Variants in TAFA5 observed in about 807,000 individuals in gnomAD.
TAFA5 encodes chemokine-like protein TAFA-5.
A neutral mutation model predicts 15.3 loss-of-function variants in TAFA5; 6 were observed. The observed-to-expected ratio is 0.39, with a 90% CI of 0.21 to 0.77. The LOEUF (loss-of-function observed/expected upper bound fraction) is 0.77, where lower values mean the gene tolerates loss of function less well. TAFA5 is among the 30% of genes least tolerant of loss of function. The pLI is 0.41. For missense variants in TAFA5, 161 were observed against 193.1 expected, an observed-to-expected ratio of 0.83 and a Z score of 0.98; for synonymous variants, 103 against 80.7, an observed-to-expected ratio of 1.28 and a Z score of -1.48.
intron 1 of TAFA5, among the ~76,000 whole-genome samples, chr22:48,595,517 G>T (rs1193594051): frequency 6.6e-6 from 1 of 152,246 alleles, no homozygotes; most frequent in African/African-American, 2.4e-5. Context: ...AAGAGCCCAG[G>T]TCTCGTCTCT....
intron 1 of TAFA5, among the ~76,000 whole-genome samples, chr22:48,585,979 G>C (rs566393400): frequency 6.6e-6 from 1 of 152,200 alleles, no homozygotes; most frequent in African/African-American, 2.4e-5. Flanking sequence ...AGCTCACCCC[G>C]TGGGCCCAGC....
intron 2 of TAFA5, among the ~76,000 whole-genome samples, chr22:48,695,893 T>C (rs1928695778): frequency 6.6e-6 from 1 of 152,100 alleles, no homozygotes; most frequent in Non-Finnish European, 1.5e-5. Flanking sequence ...CAGTCCCTAG[T>C]GTAGGGCTTT....
At chr22:48,720,770 T>G (rs1038643265) in intron 3 of TAFA5, among the ~76,000 whole-genome samples, 9 of 152,322 alleles carry the variant, frequency 5.9e-5, no homozygotes, top group Non-Finnish European at 1.3e-4. Flanking sequence ...CAGGGTTCCC[T>G]GTGCTCGAGA....
intron 1 of TAFA5, among the ~76,000 whole-genome samples, chr22:48,501,220 A>G (rs933665015): frequency 2.0e-5 from 3 of 152,182 alleles, no homozygotes; most frequent in African/African-American, 7.2e-5. Context: ...TGTGGCCTGA[A>G]TGCATGGATT....
chr22:48,751,647 AAAG>A lies in TAFA5; in HGVS notation c.*1804_*1806del, dbSNP rs1282778410. 6.6e-6 allele frequency: 1 copy of A among 152,350 alleles called. No individual in the cohort carries two copies. The highest frequency in any genetic ancestry group is 1.5e-5 in the Non-Finnish European group (1 of 68,028). The allele number at this position is 152,350 out of a possible 1,614,324, so 9.4% of individuals were successfully genotyped here. A position where few individuals can be genotyped will look rare whatever the true frequency, so the allele number is the denominator to read the frequency against. ...TTATAGGCATTTGTATCCTGGACTA[AAAG>A]AAGGGGCTGAGGTTGGGTTTGTCAT... is the stretch of plus-strand genomic sequence containing the variant. On this transcript the variant is annotated 3_prime_UTR_variant, in exon 4 of 4. Transcript: ENST00000402357.
At chr22:48,722,405 A>G (rs1039668727) in intron 3 of TAFA5, among the ~76,000 whole-genome samples, 10 of 152,254 alleles carry the variant, frequency 6.6e-5, no homozygotes, top group Non-Finnish European at 1.5e-4. Context: ...TGTCCTTTGC[A>G]GGGACATAGA....
At chr22:48,717,924 G>C (rs1280992748) in intron 3 of TAFA5, among the ~76,000 whole-genome samples, 2 of 152,246 alleles carry the variant, frequency 1.3e-5, no homozygotes, top group Non-Finnish European at 2.9e-5. Context: ...AAGGCCCCAG[G>C]CTGGGCAGGG....
At chr22:48,501,868 T>C (rs542451124) in intron 1 of TAFA5, among the ~76,000 whole-genome samples, 31 of 152,286 alleles carry the variant, frequency 2.0e-4, no homozygotes, top group South Asian at 1.9e-3. Context: ...CTTACTGACG[T>C]CCCCAGAATG....
At chr22:48,678,177 A>G (rs113429659) in intron 2 of TAFA5, among the ~76,000 whole-genome samples, 5,127 of 152,150 alleles carry the variant, frequency 0.034, 267 homozygotes, top group African/African-American at 0.11. Context: ...TCTGGGCCCC[A>G]TGTTCCCTCT....
intron 1 of TAFA5, among the ~76,000 whole-genome samples, chr22:48,568,747 C>G (rs547124162): frequency 4.6e-5 from 7 of 152,212 alleles, no homozygotes; most frequent in African/African-American, 1.2e-4. Flanking sequence ...GTCCTCCCCC[C>G]ACGAAGCCCA....
chr22:48,629,885 C>T (rs903377784), intron 1 of TAFA5, among the ~76,000 whole-genome samples: 6 of 152,198 alleles, frequency 3.9e-5, no homozygotes, highest in African/African-American at 1.4e-4. Flanking sequence ...AGTGTCCTCC[C>T]GGCAGAGGAG....
chr22:48,733,648 G>C (rs1218845212), intron 3 of TAFA5, among the ~76,000 whole-genome samples: 1 of 152,210 alleles, frequency 6.6e-6, no homozygotes, highest in East Asian at 1.9e-4. Context: ...GACCGAGTAT[G>C]AGTATAGAAA....
chr22:48,587,854 C>A (rs757856489), intron 1 of TAFA5, among the ~76,000 whole-genome samples: 2 of 152,270 alleles, frequency 1.3e-5, no homozygotes, highest in African/African-American at 4.8e-5. Context: ...GGAGGACTCA[C>A]GCAGAGGCGG....
intron 2 of TAFA5, among the ~76,000 whole-genome samples, chr22:48,662,285 C>CA (rs1927467592): frequency 2.0e-5 from 3 of 152,058 alleles, no homozygotes; most frequent in African/African-American, 7.2e-5. Flanking sequence ...AGGGGCTCTG[C>CA]AGGCCAGAGG....
At chr22:48,727,933 AAC>A (rs1403203242) in intron 3 of TAFA5, among the ~76,000 whole-genome samples, 1 of 152,204 alleles carries the variant, frequency 6.6e-6, no homozygotes, top group Non-Finnish European at 1.5e-5. Flanking sequence ...AGATTATGTA[AAC>A]ACAATTACAA....
At chr22:48,659,577 T>C (rs760645320) in intron 2 of TAFA5, among the ~76,000 whole-genome samples, 3 of 152,198 alleles carry the variant, frequency 2.0e-5, no homozygotes, top group Non-Finnish European at 2.9e-5. Context: ...GTGGCCAAGC[T>C]GGGGGTGGGG....
chr22:48,727,146 G>C (rs1929739148), intron 3 of TAFA5, among the ~76,000 whole-genome samples: 1 of 152,216 alleles, frequency 6.6e-6, no homozygotes, highest in Non-Finnish European at 1.5e-5. Context: ...TCACATGTAA[G>C]ATGATTAATG....
At chr22:48,540,023 G>T (rs1922307512) in intron 1 of TAFA5, among the ~76,000 whole-genome samples, 1 of 152,120 alleles carries the variant, frequency 6.6e-6, no homozygotes, top group Non-Finnish European at 1.5e-5. Flanking sequence ...GTTGGGAGTG[G>T]AACTGGGGGC....
intron 1 of TAFA5, among the ~76,000 whole-genome samples, chr22:48,618,607 T>A (rs939746983): frequency 6.6e-6 from 1 of 151,992 alleles, no homozygotes; most frequent in African/African-American, 2.4e-5. Context: ...GGGCCCTTGC[T>A]ATCTGTAATC....
Sources: gnomAD v4.1 joint callset for allele counts (sites outside exome capture counted in the v4.1 genomes callset) on GRCh38, gnomAD v4.1.1 for gene constraint, MANE v1.5 for transcripts, NCBI Gene and HGNC (gene_info 2026-07-23, HGNC 2026-07-21) for gene names.